The following SDK2 variants were observed in gnomAD, a reference collection of about 807,000 sequenced individuals.
The protein encoded by SDK2 is protein sidekick-2.
Under a neutral mutation model 253.9 loss-of-function variants are expected in SDK2, and 105 were observed. That is an observed-to-expected ratio of 0.41 (90% CI 0.35 to 0.49). The LOEUF is 0.49. Ranked by LOEUF, SDK2 falls within the 20% of genes least tolerant of loss-of-function variation. SDK2 has a pLI of 0.06. For missense variants in SDK2, 2,608 were observed against 3,003.0 expected (o/e 0.87, Z 3.07); for synonymous variants, 1,249 against 1,234.9 (o/e 1.01, Z -0.24).
At position 73,361,532 on chromosome 17, in the gene SDK2, G is replaced by A. The variant is rs1050504143; in HGVS notation, c.5467+152C>T. The stretch of plus-strand genomic sequence containing the variant: ...CGTGGAGCCCGGGAGGAGGGAGCGG[G>A]GGGAGGGGTCACTGGGCACCAGGGG... On this transcript the variant is annotated intron_variant, in intron 39 of 44. Transcript: ENST00000392650. The surrounding 1 kb of genome is among the most constrained non-coding windows in gnomAD (Gnocchi z 4.1). 1.3e-5 allele frequency among the ~76,000 whole-genome samples: 2 copies of A among 152,136 alleles called. No homozygotes were observed. The highest frequency in any genetic ancestry group is 2.4e-5 in the African/African-American group (1 of 41,438).
intron 1 of SDK2, among the ~76,000 whole-genome samples, chr17:73,613,310 C>T (rs909975971): frequency 6.6e-6 from 1 of 152,042 alleles, no homozygotes; most frequent in Non-Finnish European, 1.5e-5. Context: ...TCCCTGGAGA[C>T]GCCAATGAGC....
chr17:73,517,595 C>G (rs1361592995), intron 1 of SDK2: 1 of 152,222 alleles, frequency 6.6e-6, no homozygotes, highest in Non-Finnish European at 1.5e-5. Flanking sequence ...CCCTGTCACC[C>G]TGATTTCAGA....
chr17:73,396,624 G>C (rs968675650), intron 24 of SDK2, among the ~76,000 whole-genome samples: 3 of 152,224 alleles, frequency 2.0e-5, no homozygotes, highest in Admixed American at 6.5e-5. Flanking sequence ...TCCTTTACCT[G>C]CTGAGGAAAG....
chr17:73,495,884 G>A (rs898922777), intron 2 of SDK2, among the ~76,000 whole-genome samples: 7 of 152,230 alleles, frequency 4.6e-5, no homozygotes, highest in Non-Finnish European at 8.8e-5. Context: ...TCCATGCCAC[G>A]TACATCTCTA....
rs201467243 is a variant in SDK2, at chr17:73,435,523, A to G, written c.1122T>C (p.Asp374=). 6.2e-7 allele frequency: 1 copy of G among 1,600,140 alleles called. No homozygotes were observed. Among genetic ancestry groups the G allele is most frequent in the Non-Finnish European group, 8.5e-7 (1 of 1,173,860 alleles). The change falls in exon 9 of 45, where the codon GAT becomes GAC. Residue 374 remains aspartate, a synonymous_variant. Transcript: ENST00000392650. The surrounding 1 kb of genome is among the most constrained non-coding windows in gnomAD (Gnocchi z 5.7). ...GLQISGLVPD[D]TGMFQCFARN... is the part of the protein sequence containing the mutation. Reference sequence around the variant, plus strand: ...GGGCGAAGCACTGGAACATGCCGGTATCATCGGGCACCAGGCCGCTGATCT... The same window carrying G: ...GGGCGAAGCACTGGAACATGCCGGTGTCATCGGGCACCAGGCCGCTGATCT...
At chr17:73,426,901 C>T (rs536512429) in intron 12 of SDK2, among the ~76,000 whole-genome samples, 327 of 152,072 alleles carry the variant, frequency 2.2e-3, no homozygotes, top group Non-Finnish European at 3.6e-3. Flanking sequence ...CCTGCTAACA[C>T]GGTGAAACCC....
At chr17:73,415,350 CTTTTTTTTTTT>C (rs35201251) in intron 17 of SDK2, among the ~76,000 whole-genome samples, 2 of 122,104 alleles carry the variant, frequency 1.6e-5, no homozygotes, top group Admixed American at 8.3e-5. Context: ...TTTCATTTCA[CTTTTTTTTTTT>C]TTTTTTTTTG....
At chr17:73,399,340 C>G in intron 21 of SDK2, 51 bp from the exon 22 acceptor site, 1 of 1,607,122 alleles carries the variant, frequency 6.2e-7, no homozygotes, top group South Asian at 1.1e-5. Flanking sequence ...AATGGCCCCC[C>G]ATGTTGAACG....
At chr17:73,588,110 C>T (rs1240101193) in intron 1 of SDK2, among the ~76,000 whole-genome samples, 3 of 151,922 alleles carry the variant, frequency 2.0e-5, no homozygotes, top group East Asian at 1.9e-4. Context: ...CGGTGGCTCA[C>T]GCCTGTAATC....
In SDK2 at chr17:73,642,098, C is replaced by T. The variant is rs2046406071; in HGVS notation, c.64+1927G>A. 6.6e-6 allele frequency among the ~76,000 whole-genome samples: 1 copy of T among 152,126 alleles called. No individual in the cohort carries two copies. The highest frequency in any genetic ancestry group is 2.1e-4 in the South Asian group (1 of 4,828). ...CTTTCTCTGCTTCTGACAGGGAAGC[C>T]CCTCCCGCAGGAGGCGCAGGGACAG... On this transcript the variant is annotated intron_variant, in intron 1 of 44. Transcript: ENST00000392650. The surrounding 1 kb of genome is among the most constrained non-coding windows in gnomAD (Gnocchi z 4.7).
intron 2 of SDK2, among the ~76,000 whole-genome samples, chr17:73,473,953 C>T (rs1487258835): frequency 6.6e-6 from 1 of 152,110 alleles, no homozygotes; most frequent in Non-Finnish European, 1.5e-5. Flanking sequence ...TTAAAAAGGA[C>T]ATTTCTGGGA....
At chr17:73,341,894 T>C (rs1390253700) in intron 44 of SDK2, among the ~76,000 whole-genome samples, 1 of 152,162 alleles carries the variant, frequency 6.6e-6, no homozygotes, top group Non-Finnish European at 1.5e-5. Context: ...CTCCTATTGC[T>C]ACCTGAGCAC....
At chr17:73,478,472 C>T (rs370036379) in intron 2 of SDK2, among the ~76,000 whole-genome samples, 4 of 152,156 alleles carry the variant, frequency 2.6e-5, no homozygotes, top group South Asian at 2.1e-4. Context: ...AATCCACACC[C>T]GTTCTCGTCA....
In SDK2 at chr17:73,395,994, G is replaced by T. The variant is rs1374816972; in HGVS notation, c.3355-602C>A. On this transcript the variant is annotated intron_variant, in intron 24 of 44. Coordinates refer to ENST00000392650, the MANE Select transcript of SDK2 (RefSeq NM_001144952.2). The surrounding 1 kb of genome is among the most constrained non-coding windows in gnomAD (Gnocchi z 4.3). ...TGCCATGGTGCTGTCTCAGCTCACTGCAACCTCTACCTCCTGGGCTCAAGC... is the reference window on the plus strand; with the variant it reads ...TGCCATGGTGCTGTCTCAGCTCACTTCAACCTCTACCTCCTGGGCTCAAGC... 1.3e-5 allele frequency among the ~76,000 whole-genome samples: 2 copies of T among 151,754 alleles called. No homozygotes were observed. Among genetic ancestry groups the T allele is most frequent in the Admixed American group, 1.3e-4 (2 of 15,190 alleles).
rs569942624 is a variant in SDK2, at chr17:73,485,246, G to A, written c.225-13028C>T. On this transcript the variant is annotated intron_variant, in intron 2 of 44. Coordinates refer to ENST00000392650, the MANE Select transcript of SDK2 (RefSeq NM_001144952.2). Reference sequence around the variant, plus strand: ...TCCACCTCCCTCCTGAGGGCAGGAAGGCTCAGGTAAGTGCAGGTGCTGATG... The same window carrying A: ...TCCACCTCCCTCCTGAGGGCAGGAAAGCTCAGGTAAGTGCAGGTGCTGATG... Among the ~76,000 whole-genome samples, 3 of 152,294 alleles carry A rather than the reference G, an allele frequency of 2.0e-5. No individual in the cohort carries two copies. In the East Asian group the frequency reaches 5.8e-4, roughly 29 times the overall value.
chr17:73,370,699 A>G (rs1379857697), intron 36 of SDK2, among the ~76,000 whole-genome samples: 1 of 152,094 alleles, frequency 6.6e-6, no homozygotes, highest in African/African-American at 2.4e-5. Flanking sequence ...CTCTGACTAC[A>G]TGAGTGCTAC....
intron 1 of SDK2, among the ~76,000 whole-genome samples, chr17:73,605,875 C>G (rs1398700061): frequency 6.6e-6 from 1 of 152,132 alleles, no homozygotes. Flanking sequence ...CTGGACTCAG[C>G]CTCCTGCTCT....
rs111954103 is a variant in SDK2 at position 73,365,609 on chromosome 17, C to A, written c.5168-214G>T. Among the ~76,000 whole-genome samples the A allele has an allele frequency of 1.1e-3, 165 of 152,242 alleles. 1 individual carries two copies. The highest frequency in any genetic ancestry group is 3.9e-3 in the African/African-American group (162 of 41,554). On this transcript the variant is annotated intron_variant, in intron 37 of 44. Transcript: ENST00000392650. ...CTTTCCAGTATCAGAGTCCTAAGAACTGGGAAGAAAGAGAACTCGATTTTT... is the reference window on the plus strand; with the variant it reads ...CTTTCCAGTATCAGAGTCCTAAGAAATGGGAAGAAAGAGAACTCGATTTTT...
In SDK2 at chr17:73,643,935, G is replaced by A. The variant is rs1006442130; in HGVS notation, c.64+90C>T. ...CCACGGCTAAGCCGGGTGTCCAGGA[G>A]GTCACCGTGAGGCCGGCCAGCTCCC... On this transcript the variant is annotated intron_variant, in intron 1 of 44. Coordinates refer to ENST00000392650, the MANE Select transcript of SDK2 (RefSeq NM_001144952.2). The surrounding 1 kb of genome is among the most constrained non-coding windows in gnomAD (Gnocchi z 6.9). 21 of 1,164,888 alleles carry A rather than the reference G, an allele frequency of 1.8e-5. No individual in the cohort carries two copies. Among genetic ancestry groups the A allele is most frequent in the Non-Finnish European group, 2.2e-5 (18 of 804,560 alleles). 72.2% of individuals were successfully genotyped at this position (1,164,888 alleles called of 1,614,324 possible).
Sources: allele counts gnomAD v4.1 joint callset (sites outside exome capture counted in the v4.1 genomes callset), GRCh38; gene constraint gnomAD v4.1.1; non-coding constraint Gnocchi (gnomAD v3.1); transcripts MANE v1.5; gene names NCBI Gene and HGNC (gene_info 2026-07-23, HGNC 2026-07-21).